TIAM1: variants seen among roughly 807,000 people sequenced by gnomAD.
TIAM1 encodes the protein TIAM Rac1 associated GEF 1.
TIAM1 carries 65 observed loss-of-function variants against 163.5 expected under a neutral mutation model. The observed-to-expected ratio is 0.40, with a 90% CI of 0.33 to 0.49. The LOEUF is 0.49. Ranked by LOEUF, TIAM1 falls within the 20% of genes least tolerant of loss-of-function variation. The pLI is 0.77. For synonymous variants in TIAM1, 833 were observed against 810.1 expected, an observed-to-expected ratio of 1.03 and a Z score of -0.48; for missense variants, 1,789 against 2,044.7, an observed-to-expected ratio of 0.87 and a Z score of 2.41.
intron 1 of TIAM1, among the ~76,000 whole-genome samples, chr21:31,505,700 C>A (rs559403414): frequency 3.3e-5 from 5 of 152,192 alleles, no homozygotes; most frequent in African/African-American, 1.2e-4. Context: ...TATTCCAGCT[C>A]ATTTTAAAAG....
At chr21:31,469,275 G>C (rs903975635) in intron 1 of TIAM1, among the ~76,000 whole-genome samples, 1 of 151,324 alleles carries the variant, frequency 6.6e-6, no homozygotes, top group African/African-American at 2.4e-5. Context: ...AAGCAGCAGG[G>C]GGGTTGGTAG....
intron 5 of TIAM1, among the ~76,000 whole-genome samples, chr21:31,249,947 A>T (rs1012558955): frequency 6.6e-6 from 1 of 152,082 alleles, no homozygotes; most frequent in African/African-American, 2.4e-5. Context: ...AAAGTTGGAG[A>T]TGAGCCTGGG....
intron 1 of TIAM1, among the ~76,000 whole-genome samples, chr21:31,539,642 G>A (rs1375927415): frequency 6.6e-6 from 1 of 152,158 alleles, no homozygotes; most frequent in Non-Finnish European, 1.5e-5. Context: ...CTGCTTCACA[G>A]AGGGACACGA....
chr21:31,435,309 G>A (rs550281959), intron 2 of TIAM1, among the ~76,000 whole-genome samples: 8 of 152,186 alleles, frequency 5.3e-5, no homozygotes, highest in African/African-American at 1.9e-4. Context: ...TATGCACCCA[G>A]GAATTACTCT....
intron 16 of TIAM1, among the ~76,000 whole-genome samples, chr21:31,160,292 T>G (rs2083848758): frequency 6.6e-6 from 1 of 152,072 alleles, no homozygotes; most frequent in Non-Finnish European, 1.5e-5. Flanking sequence ...AATACAGACT[T>G]TATGAACAAG....
intron 2 of TIAM1, among the ~76,000 whole-genome samples, chr21:31,371,014 C>A (rs2076588968): frequency 6.6e-6 from 1 of 152,158 alleles, no homozygotes; most frequent in African/African-American, 2.4e-5. Flanking sequence ...AACTCAGTGC[C>A]AACCTCCAGG....
intron 11 of TIAM1, among the ~76,000 whole-genome samples, chr21:31,207,465 G>A (rs768397355): frequency 2.8e-4 from 43 of 151,928 alleles, no homozygotes; most frequent in Admixed American, 6.5e-4. Flanking sequence ...CAAAAGACAG[G>A]CATTTTTACA....
At position 31,153,001 on chromosome 21, in the gene TIAM1, T is replaced by G. The variant is rs144774092; in HGVS notation, c.3240+65A>C. 4.3e-4 allele frequency: 633 copies of G among 1,479,066 alleles called. 3 individuals are homozygous for G. The African/African-American group carries it at 8.2e-3, about 19-fold the overall frequency. The allele number at this position is 1,479,066 out of a possible 1,614,324, so 91.6% of individuals were successfully genotyped here. ...TCAGTGTTACGCATGTCCCCATTTT[T>G]CCTCTTTACCAACAAGTCAAACCAC... On this transcript the variant is annotated intron_variant, in intron 18 of 27. Transcript: ENST00000541036.
intron 2 of TIAM1, among the ~76,000 whole-genome samples, chr21:31,294,051 C>T (rs1016642636): frequency 1.3e-5 from 2 of 152,200 alleles, no homozygotes; most frequent in African/African-American, 4.8e-5. Flanking sequence ...ATCACCCTCT[C>T]CCACCTCTAA....
chr21:31,317,650 C>T (rs983212547), intron 2 of TIAM1, among the ~76,000 whole-genome samples: 53 of 152,210 alleles, frequency 3.5e-4, no homozygotes, highest in Admixed American at 3.3e-3. Context: ...CATGGCAGCA[C>T]GCACTTATAG....
At chr21:31,370,390 G>T (rs2076576372) in intron 2 of TIAM1, among the ~76,000 whole-genome samples, 1 of 152,052 alleles carries the variant, frequency 6.6e-6, no homozygotes, top group South Asian at 2.1e-4. Context: ...GCTTTTTTAT[G>T]TTCTTATCTT....
intron 15 of TIAM1, among the ~76,000 whole-genome samples, chr21:31,168,778 C>A (rs938463127): frequency 6.6e-6 from 1 of 152,108 alleles, no homozygotes; most frequent in Admixed American, 6.5e-5. Context: ...CAAATCTACT[C>A]TGGTAGAATT....
intron 15 of TIAM1, among the ~76,000 whole-genome samples, chr21:31,174,157 CCTGA>C (rs887335490): frequency 6.6e-5 from 10 of 152,342 alleles, no homozygotes; most frequent in African/African-American, 2.4e-4. Flanking sequence ...CTCCCTGCCG[CCTGA>C]CTGTCTTCGG....
intron 2 of TIAM1, among the ~76,000 whole-genome samples, chr21:31,293,921 G>A (rs1601853030): frequency 6.6e-6 from 1 of 152,262 alleles, no homozygotes; most frequent in Non-Finnish European, 1.5e-5. Flanking sequence ...TCTGATTCTT[G>A]AAACAGCCGC....
intron 13 of TIAM1, among the ~76,000 whole-genome samples, chr21:31,192,799 A>G (rs1266142700): frequency 2.0e-5 from 3 of 152,106 alleles, no homozygotes; most frequent in African/African-American, 7.2e-5. Context: ...TGGGAGTGGG[A>G]CAACACCTGC....
chr21:31,277,942 T>G (rs2073375150), intron 2 of TIAM1, among the ~76,000 whole-genome samples: 1 of 152,190 alleles, frequency 6.6e-6, no homozygotes, highest in African/African-American at 2.4e-5. Flanking sequence ...CCAGCCTATT[T>G]ACATTTAGGG....
At chr21:31,369,005 C>G (rs540332793) in intron 2 of TIAM1, among the ~76,000 whole-genome samples, 3 of 151,590 alleles carry the variant, frequency 2.0e-5, no homozygotes, top group Non-Finnish European at 4.4e-5. Context: ...TTTGGGAGGC[C>G]GAGGCGGGCG....
intron 20 of TIAM1, among the ~76,000 whole-genome samples, chr21:31,143,559 CA>C (rs1272210756): frequency 6.6e-6 from 1 of 150,918 alleles, no homozygotes; most frequent in Non-Finnish European, 1.5e-5. Context: ...GCTTAAAATA[CA>C]AAAATTTAAA....
chr21:31,312,225 A>C (rs1219407013), intron 2 of TIAM1, among the ~76,000 whole-genome samples: 3 of 152,194 alleles, frequency 2.0e-5, no homozygotes, highest in African/African-American at 7.2e-5. Context: ...TCCCCTTCAT[A>C]TATACATCTA....
Sources: allele counts gnomAD v4.1 joint callset (sites outside exome capture counted in the v4.1 genomes callset), GRCh38; gene constraint gnomAD v4.1.1; transcripts MANE v1.5; gene names NCBI Gene and HGNC (gene_info 2026-07-23, HGNC 2026-07-21).